ADAM17: variants seen among roughly 807,000 people sequenced by gnomAD.
The protein encoded by ADAM17 is ADAM metallopeptidase domain 17, also known as disintegrin and metalloproteinase domain-containing protein 17.
A neutral mutation model predicts 96.7 loss-of-function variants in ADAM17; 39 were observed. That is an observed-to-expected ratio of 0.40 (90% CI 0.31 to 0.53). The LOEUF (loss-of-function observed/expected upper bound fraction) is 0.53. ADAM17 is among the 20% of genes least tolerant of loss of function. ADAM17 has a pLI of 0.44. For synonymous variants in ADAM17, 344 were observed against 359.2 expected (o/e 0.96, Z 0.48); for missense variants, 777 against 1,013.2 (o/e 0.77, Z 3.17).
At chr2:9,528,195 T>C (rs1664601919) in intron 4 of ADAM17, among the ~76,000 whole-genome samples, 1 of 152,238 alleles carries the variant, frequency 6.6e-6, no homozygotes, top group African/African-American at 2.4e-5. Flanking sequence ...AAGCCTTACA[T>C]ACTTTGCACG....
At chr2:9,504,873 T>C (rs1663287958) in intron 12 of ADAM17, among the ~76,000 whole-genome samples, 1 of 152,078 alleles carries the variant, frequency 6.6e-6, no homozygotes, top group South Asian at 2.1e-4. Flanking sequence ...GAAAGCTTCT[T>C]CTTTTCTTAT....
chr2:9,512,963 CTATGTATCCCT>C (rs1464969635), intron 10 of ADAM17, among the ~76,000 whole-genome samples: 1 of 152,024 alleles, frequency 6.6e-6, no homozygotes, highest in Non-Finnish European at 1.5e-5. Flanking sequence ...AGACCTCGCC[CTATGTATCCCT>C]TCATTTGGCT....
chr2:9,520,964 C>CAAAAAAAAAAAAAAAAAAAAAA (rs55909096), intron 8 of ADAM17, among the ~76,000 whole-genome samples: 11 of 26,284 alleles, frequency 4.2e-4, no homozygotes, highest in Non-Finnish European at 6.2e-4. Context: ...AACTCTGTCT[C>CAAAAAAAAAAAAAAAAAAAAAA]AAAAAAAAAA....
In ADAM17 at chr2:9,502,879, CAAAAAAAAAAAAA is replaced by C. The variant is rs758081961; in HGVS notation, c.1545-616_1545-604del. Among the ~76,000 whole-genome samples the C allele has an allele frequency of 1.4e-4, 6 of 43,594 alleles. No homozygotes were observed. In the East Asian group the frequency reaches 3.8e-3, roughly 28 times the overall value. The allele number at this position is 43,594 out of a possible 152,430, so 28.6% of individuals were successfully genotyped here. On this transcript the variant is annotated intron_variant, in intron 12 of 18. Coordinates refer to ENST00000310823, the MANE Select transcript of ADAM17 (RefSeq NM_003183.6). ...AGGCAACAAGAGAGAAATTCTGTCTCAAAAAAAAAAAAAAAAAAAAAAAAGATGAGGCAGGTGG... is the reference window on the plus strand; with the variant it reads ...AGGCAACAAGAGAGAAATTCTGTCTCAAAAAAAAAAAGATGAGGCAGGTGG...
At chr2:9,523,409 C>T in intron 6 of ADAM17, 71 bp from the exon 7 acceptor site, 1 of 1,323,138 alleles carries the variant, frequency 7.6e-7, no homozygotes, top group Non-Finnish European at 1.1e-6. Flanking sequence ...AATATAAAAT[C>T]TATGGGGAAA....
chr2:9,543,066 A>C, intron 2 of ADAM17, 87 bp downstream of exon 2: 1 of 1,375,672 alleles, frequency 7.3e-7, no homozygotes. Context: ...TAATTTCCCA[A>C]GATTTCAGTA....
chr2:9,500,130 A>C (rs1662912659), intron 13 of ADAM17, among the ~76,000 whole-genome samples: 1 of 152,242 alleles, frequency 6.6e-6, no homozygotes, highest in Non-Finnish European at 1.5e-5. Flanking sequence ...TATAGCAAAA[A>C]AGTGGAAGCA....
rs1404650790 is a variant in ADAM17, at chr2:9,492,918, T to C, written c.2062A>G (p.Ser688Gly). Reference sequence around the variant, plus strand: ...CTTACCACACAATGGACAAGAATGCTGAAAGGAATCCAAAATATCAAGGAG... The same window carrying C: ...CTTACCACACAATGGACAAGAATGCCGAAAGGAATCCAAAATATCAAGGAG... ...VFSLIFWIPFSILVHCVDKKL... is the reference protein window; with the variant it reads ...VFSLIFWIPFGILVHCVDKKL... Residue 688 changes from serine to glycine, a missense_variant, in exon 17 of 19, where the codon AGC (serine) becomes GGC (glycine). This residue lies in a region of ADAM17 where 197 missense variants were observed against 219.4 expected (regional missense o/e 0.90). Coordinates refer to ENST00000310823, the MANE Select transcript of ADAM17 (RefSeq NM_003183.6). 6.2e-7 allele frequency: 1 copy of C among 1,612,824 alleles called. No individual in the cohort carries two copies. The highest frequency in any genetic ancestry group is 1.1e-5 in the South Asian group (1 of 90,862).
chr2:9,535,963 T>A (rs752383137), intron 3 of ADAM17, 41 bp from the exon 4 acceptor site: 9 of 1,339,682 alleles, frequency 6.7e-6, no homozygotes, highest in Non-Finnish European at 9.1e-6. Context: ...AATACTTACA[T>A]CAAATAAGAA....
intron 1 of ADAM17, 143 bp from the exon 2 acceptor site, chr2:9,543,428 C>T: frequency 4.0e-6 from 3 of 753,758 alleles, no homozygotes; most frequent in Non-Finnish European, 5.5e-6. Flanking sequence ...CATTTTTTAT[C>T]AACAGAAACT....
rs1662362571 is a variant in ADAM17 at position 9,493,972 on chromosome 2, TA to T, written c.1915-148del. The T allele has an allele frequency of 1.5e-5, 9 of 612,368 alleles. No homozygotes were observed. In the East Asian group the frequency reaches 2.3e-4, roughly 15 times the overall value. 37.9% of individuals were successfully genotyped at this position (612,368 alleles called of 1,614,324 possible). ...TTGACACAAGGCAATAACTTCCGCG[TA>T]ATGAGTACCCAAGAAAGTAGAACAT... On this transcript the variant is annotated intron_variant, in intron 15 of 18. Coordinates refer to ENST00000310823, the MANE Select transcript of ADAM17 (RefSeq NM_003183.6).
intron 14 of ADAM17, 172 bp from the exon 15 acceptor site, chr2:9,494,939 C>G: frequency 1.4e-6 from 1 of 689,736 alleles, no homozygotes. Flanking sequence ...TCTGAGGTCA[C>G]ACTCCTCAGC....
chr2:9,494,906 A>C, intron 14 of ADAM17, 139 bp from the exon 15 acceptor site: 2 of 1,017,714 alleles, frequency 2.0e-6, no homozygotes, highest in Non-Finnish European at 2.8e-6. Flanking sequence ...AATACTATCC[A>C]TAGCCCCCAC....
chr2:9,497,239 C>A lies in ADAM17; in HGVS notation c.1658G>T (p.Ser553Ile). 1 of 1,614,072 alleles carries A rather than the reference C, an allele frequency of 6.2e-7. No individual in the cohort carries two copies. Among genetic ancestry groups the A allele is most frequent in the South Asian group, 1.1e-5 (1 of 91,078 alleles). The change falls in exon 14 of 19, where the codon AGT (serine) becomes ATT (isoleucine). Residue 553 changes from serine (S) to isoleucine (I), a missense_variant. This residue lies in a region of ADAM17 where 446 missense variants were observed against 664.7 expected (regional missense o/e 0.67). Transcript: ENST00000310823. ...AGCATTTCCTGGAGGCGGGCACTCA[C>A]TGCTATTACCTGGAAGCAAACACCA... is the stretch of plus-strand genomic sequence containing the variant. ...KGVSYCTGNSSECPPPGNAED... is the reference protein window; with the variant it reads ...KGVSYCTGNSIECPPPGNAED...
At chr2:9,546,912 T>A (rs1665421924) in intron 1 of ADAM17, among the ~76,000 whole-genome samples, 1 of 152,208 alleles carries the variant, frequency 6.6e-6, no homozygotes, top group African/African-American at 2.4e-5. Flanking sequence ...TTTCACTGTG[T>A]TGGCCAGGAT....
In ADAM17 at chr2:9,505,296, C is replaced by T. The variant is rs1266570132; in HGVS notation, c.1414G>A (p.Glu472Lys). Residue 472 changes from glutamate to lysine, a missense_variant, in exon 12 of 19, where the codon GAA becomes AAA. Physicochemically the swap from Glu to Lys is moderately conservative, Grantham distance 56. This residue lies in a region of ADAM17 where 446 missense variants were observed against 664.7 expected (regional missense o/e 0.67). Coordinates refer to ENST00000310823, the MANE Select transcript of ADAM17 (RefSeq NM_003183.6). Reference protein sequence around the residue: ...IESKAQECFQERSNKVCGNSR... With the variant: ...IESKAQECFQKRSNKVCGNSR... Reference sequence around the variant, plus strand: ...TTCCCACAAACTTTATTGCTGCGTTCTTGAAAACACTCCTGGGCCTTACTT... The same window carrying T: ...TTCCCACAAACTTTATTGCTGCGTTTTTGAAAACACTCCTGGGCCTTACTT... 1.9e-6 allele frequency: 3 copies of T among 1,614,052 alleles called. No individual in the cohort carries two copies. Among genetic ancestry groups the T allele is most frequent in the Non-Finnish European group, 2.5e-6 (3 of 1,180,044 alleles).
At position 9,535,902 on chromosome 2, in the gene ADAM17, G is replaced by C. The variant is rs1664942791; in HGVS notation, c.382C>G (p.Leu128Val). 2.5e-6 allele frequency: 4 copies of C among 1,589,916 alleles called. No homozygotes were observed. Among genetic ancestry groups the C allele is most frequent in the Admixed American group, 1.7e-5 (1 of 57,472 alleles). The change falls in exon 4 of 19, where the codon CTA (leucine) becomes GTA (valine). Residue 128 changes from leucine (L) to valine (V), a missense_variant. This residue lies in a region of ADAM17 where 446 missense variants were observed against 664.7 expected (regional missense o/e 0.67). Coordinates refer to ENST00000310823, the MANE Select transcript of ADAM17 (RefSeq NM_003183.6). The part of the protein sequence containing the change: ...HVVGEPDSRV[L>V]AHIRDDDVII... The stretch of plus-strand genomic sequence containing the variant: ...ACATCATCATCTCTTATGTGGGCTA[G>C]AACCCTAGAGTCAGGCTCACCTTAA...
At position 9,523,238 on chromosome 2, in the gene ADAM17, T is replaced by C. The variant is rs1469609141; in HGVS notation, c.843+11A>G. 8 of 1,581,282 alleles carry C rather than the reference T, an allele frequency of 5.1e-6. No individual in the cohort carries two copies. The highest frequency in any genetic ancestry group is 6.9e-6 in the Non-Finnish European group (8 of 1,156,538). On this transcript the variant is annotated intron_variant, in intron 7 of 18. Transcript: ENST00000310823. ...ACTTAAGTAATATAAGCCATATCTA[T>C]TGATAAATACCTGCTCTATCTGTAT...
chr2:9,524,016 C>T (rs968698302), intron 6 of ADAM17, among the ~76,000 whole-genome samples: 1 of 151,004 alleles, frequency 6.6e-6, no homozygotes, highest in African/African-American at 2.4e-5. Context: ...CAGAAGACTA[C>T]AGGCACACAC....
Sources: allele counts gnomAD v4.1 joint callset (sites outside exome capture counted in the v4.1 genomes callset), GRCh38; gene constraint gnomAD v4.1.1; regional missense constraint gnomAD v4.1.1; transcripts MANE v1.5; gene names NCBI Gene and HGNC (gene_info 2026-07-23, HGNC 2026-07-21).